Variants in NCOA2 observed in about 807,000 individuals in gnomAD.
NCOA2 encodes nuclear receptor coactivator 2.
In NCOA2, 21 loss-of-function variants were observed where a neutral mutation model predicts 145.1. That is an observed-to-expected ratio of 0.14 (90% CI 0.10 to 0.21). The LOEUF (loss-of-function observed/expected upper bound fraction) is 0.21, where lower values mean the gene tolerates loss of function less well. Among genes scored for constraint, NCOA2 ranks in the 10% least tolerant of loss-of-function variants. The pLI is 1.00. For synonymous variants in NCOA2, 619 were observed against 637.5 expected (o/e 0.97, Z 0.44); for missense variants, 1,472 against 1,837.6 (o/e 0.80, Z 3.64).
At chr8:70,364,488 C>A (rs139615552) in intron 1 of NCOA2, among the ~76,000 whole-genome samples, 2 of 152,110 alleles carry the variant, frequency 1.3e-5, no homozygotes, top group East Asian at 3.9e-4. Context: ...GAAACAGCGT[C>A]GAGGAACCTT....
chr8:70,443,606 G>T, the NCOA2 span, among the ~76,000 whole-genome samples: 1 of 152,028 alleles, frequency 6.6e-6, no homozygotes, highest in African/African-American at 2.4e-5. Flanking sequence ...TGTGGCTCAG[G>T]CTGGAGTGCA....
chr8:70,166,796 C>T lies in NCOA2; in HGVS notation c.542-42G>A, dbSNP rs1388593257. The T allele has an allele frequency of 1.9e-6, 3 of 1,544,224 alleles. No individual in the cohort carries two copies. The African/African-American group carries it at 4.1e-5, about 21-fold the overall frequency. On this transcript the variant is annotated intron_variant, in intron 6 of 22. Coordinates refer to ENST00000452400, the MANE Select transcript of NCOA2 (RefSeq NM_006540.4). ...TAATCCAGTTTTACAAAGAAACAAA[C>T]ATCAGATTCATTGCCTCTGAATTAT...
At chr8:70,211,990 A>T (rs1819078253) in intron 4 of NCOA2, among the ~76,000 whole-genome samples, 1 of 151,648 alleles carries the variant, frequency 6.6e-6, no homozygotes, top group East Asian at 1.9e-4. Context: ...ACATCTGAAC[A>T]TGTTTTATGG....
chr8:70,306,257 A>G (rs1206603836), intron 1 of NCOA2, among the ~76,000 whole-genome samples: 1 of 152,180 alleles, frequency 6.6e-6, no homozygotes, highest in Admixed American at 6.5e-5. Context: ...TAGTACCTCT[A>G]CTGATGACAG....
intron 1 of NCOA2, among the ~76,000 whole-genome samples, chr8:70,334,709 G>C (rs923163168): frequency 2.0e-5 from 3 of 152,154 alleles, no homozygotes; most frequent in Non-Finnish European, 4.4e-5. Flanking sequence ...TACTCTACCT[G>C]ATAGATGTGG....
chr8:70,154,838 C>T (rs1812112254), intron 11 of NCOA2, among the ~76,000 whole-genome samples: 1 of 152,066 alleles, frequency 6.6e-6, no homozygotes, highest in Admixed American at 6.6e-5. Context: ...TTTCAGTTAG[C>T]CGGGAAGAGT....
Position 70,156,779 on chromosome 8 carries a change from T to A in NCOA2, c.1586A>T (p.Tyr529Phe). The A allele has an allele frequency of 6.2e-7, 1 of 1,613,976 alleles. No homozygotes were observed. The highest frequency in any genetic ancestry group is 2.2e-5 in the East Asian group (1 of 44,878). Residue 529 changes from tyrosine (Y) to phenylalanine (F), a missense_variant, in exon 11 of 23, where the codon TAT (tyrosine) becomes TTT (phenylalanine). Coordinates refer to ENST00000452400, the MANE Select transcript of NCOA2 (RefSeq NM_006540.4). The stretch of plus-strand genomic sequence containing the variant: ...AAGTGCATTGAGGGAGCTGTTGGTA[T>A]AACTATGGCTATTTCCTGTGCTGCT... Reference protein sequence around the residue: ...VCSSTGNSHSYTNSSLNALQA... With the variant: ...VCSSTGNSHSFTNSSLNALQA...
intron 12 of NCOA2, among the ~76,000 whole-genome samples, chr8:70,147,119 C>CGT (rs1274295003): frequency 1.3e-5 from 2 of 150,582 alleles, no homozygotes; most frequent in Admixed American, 1.3e-4. Context: ...TTCGCGCGCG[C>CGT]GCGCGCGCGT....
Position 70,166,717 on chromosome 8 carries a change from C to G in NCOA2, c.579G>C (p.Arg193=). The part of the protein sequence containing the change: ...GGSWSGEPPR[R]NSHTFNCRML... ...TCCGACAATTGAAGGTATGGCTGTT[C>G]CGCCTCGGAGGTTCGCCAGACCAAG... The change falls in exon 7 of 23, where the codon CGG becomes CGC. Residue 193 remains arginine, a synonymous_variant. Coordinates refer to ENST00000452400, the MANE Select transcript of NCOA2 (RefSeq NM_006540.4). 6.2e-7 allele frequency: 1 copy of G among 1,613,966 alleles called. No homozygotes were observed. Among genetic ancestry groups the G allele is most frequent in the Non-Finnish European group, 8.5e-7 (1 of 1,179,872 alleles).
rs1229774811 is a variant in NCOA2, at chr8:70,113,620, G to C, written c.*12C>G. On this transcript the variant is annotated 3_prime_UTR_variant, in exon 23 of 23. Coordinates refer to ENST00000452400, the MANE Select transcript of NCOA2 (RefSeq NM_006540.4). ...GCCCGGTCAGCTGAAGAAGCAACTG[G>C]CTTCAGCAGTGTCAGCAATATTTCT... The C allele has an allele frequency of 1.7e-5, 26 of 1,551,902 alleles. No individual in the cohort carries two copies. In the Middle Eastern group the frequency reaches 8.3e-4, roughly 50 times the overall value.
chr8:70,187,753 CAT>C (rs778197349), intron 4 of NCOA2, among the ~76,000 whole-genome samples: 3 of 152,320 alleles, frequency 2.0e-5, no homozygotes, highest in East Asian at 1.9e-4. Flanking sequence ...TTTTGTTTTA[CAT>C]ATATTAACCA....
intron 16 of NCOA2, among the ~76,000 whole-genome samples, chr8:70,130,025 T>C (rs1417271844): frequency 1.3e-5 from 2 of 152,252 alleles, no homozygotes; most frequent in East Asian, 1.9e-4. Flanking sequence ...CATCTACCCA[T>C]GTAGTGCTGG....
intron 1 of NCOA2, among the ~76,000 whole-genome samples, chr8:70,302,533 C>G (rs1256454234): frequency 6.6e-6 from 1 of 152,160 alleles, no homozygotes; most frequent in Non-Finnish European, 1.5e-5. Flanking sequence ...GGCAAAACTC[C>G]CTTAAAATAA....
At chr8:70,369,831 G>A (rs941470916) in intron 1 of NCOA2, among the ~76,000 whole-genome samples, 1 of 151,792 alleles carries the variant, frequency 6.6e-6, no homozygotes, top group South Asian at 2.1e-4. Context: ...TAAGGAGTAA[G>A]ACAAGAAGCT....
chr8:70,287,518 GA>G (rs1387957792), intron 2 of NCOA2, among the ~76,000 whole-genome samples: 1 of 152,134 alleles, frequency 6.6e-6, no homozygotes, highest in East Asian at 1.9e-4. Flanking sequence ...TAAAACTTGT[GA>G]AGTCATTTTT....
chr8:70,248,578 G>A (rs903511629), intron 2 of NCOA2, among the ~76,000 whole-genome samples: 1 of 152,024 alleles, frequency 6.6e-6, no homozygotes, highest in Non-Finnish European at 1.5e-5. Flanking sequence ...GCTCCCCCTG[G>A]ATACCAAAAT....
In NCOA2 at chr8:70,174,850, G is replaced by A; in HGVS notation, c.269C>T (p.Ala90Val). 6.2e-7 allele frequency: 1 copy of A among 1,613,326 alleles called. No individual in the cohort carries two copies. Among genetic ancestry groups the A allele is most frequent in the Non-Finnish European group, 8.5e-7 (1 of 1,179,530 alleles). ...IRQIKEQEKA[A>V]AANIDEVQKS... ...CTGCACTTCATCTATGTTGGCAGCT[G>A]CTGCTTTCTCTGCAATAAACATAAG... The change falls in exon 5 of 23, where the codon GCA (alanine) becomes GTA (valine). Residue 90 changes from alanine (A) to valine (V), a missense_variant. Physicochemically the swap from Ala to Val is moderately conservative, Grantham distance 64. Around this residue, in one of 4 missense-constraint regions of NCOA2, gnomAD observed 284 missense variants for 467.8 expected, o/e 0.61. Coordinates refer to ENST00000452400, the MANE Select transcript of NCOA2 (RefSeq NM_006540.4).
At chr8:70,285,546 C>T (rs1177826384) in intron 2 of NCOA2, among the ~76,000 whole-genome samples, 1 of 152,240 alleles carries the variant, frequency 6.6e-6, no homozygotes, top group African/African-American at 2.4e-5. Flanking sequence ...GAGAGACAGA[C>T]AGCCATGGGC....
rs146788685 is a variant in NCOA2, at chr8:70,398,752, T to G, written c.-77+4948A>C. ...CACCACCATAGGTTCCCTTGTCATT[T>G]AATTCTTCTCTAGAAATTTCCAACC... On this transcript the variant is annotated intron_variant, in intron 1 of 22. Transcript: ENST00000452400. Among the ~76,000 whole-genome samples, 569 of 152,348 alleles carry G rather than the reference T, an allele frequency of 3.7e-3. 9 individuals are homozygous for G. Among genetic ancestry groups the G allele is most frequent in the South Asian group, 0.016 (79 of 4,832 alleles).
Sources: gnomAD v4.1 joint callset for allele counts (sites outside exome capture counted in the v4.1 genomes callset) on GRCh38, gnomAD v4.1.1 for gene constraint, gnomAD v4.1.1 regional missense constraint, MANE v1.5 for transcripts, NCBI Gene and HGNC (gene_info 2026-07-23, HGNC 2026-07-21) for gene names.